The following FAM81A variants were observed in gnomAD, a reference collection of about 807,000 sequenced individuals.
The protein encoded by FAM81A is protein FAM81A.
In FAM81A, 19 loss-of-function variants were observed where a neutral mutation model predicts 46.7. The ratio of observed to expected loss-of-function variants is 0.41; its 90% confidence interval spans 0.28 to 0.60. FAM81A has a LOEUF of 0.60. FAM81A is among the 20% of genes least tolerant of loss of function. The pLI, the probability that FAM81A is intolerant of heterozygous loss-of-function variation, is 0.34. For synonymous variants in FAM81A, 183 were observed against 152.9 expected, an observed-to-expected ratio of 1.20 and a Z score of -1.45; for missense variants, 377 against 453.5, an observed-to-expected ratio of 0.83 and a Z score of 1.53.
At chr15:59,493,439 C>A (rs1265374208) in intron 4 of FAM81A, among the ~76,000 whole-genome samples, 1 of 152,062 alleles carries the variant, frequency 6.6e-6, no homozygotes, top group Admixed American at 6.5e-5. Flanking sequence ...GTGATGACAC[C>A]CTGTTGACTC....
At chr15:59,509,208 A>G (rs2082179356) in intron 6 of FAM81A, among the ~76,000 whole-genome samples, 1 of 152,206 alleles carries the variant, frequency 6.6e-6, no homozygotes, top group African/African-American at 2.4e-5. Flanking sequence ...TCATTGGCCT[A>G]GGGGCTGAGG....
intron 4 of FAM81A, among the ~76,000 whole-genome samples, chr15:59,497,579 G>T (rs541037338): frequency 3.3e-5 from 5 of 152,232 alleles, no homozygotes; most frequent in African/African-American, 1.2e-4. Flanking sequence ...TCTTTCAGTG[G>T]GTTCAGTGTC....
intron 1 of FAM81A, 43 bp from the exon 2 acceptor site, chr15:59,458,507 A>G (rs1567052017): frequency 2.1e-6 from 3 of 1,415,144 alleles, no homozygotes; most frequent in Non-Finnish European, 2.9e-6. Flanking sequence ...GTTAAGTTCT[A>G]GATATAAACT....
chr15:59,441,981 T>G (rs2081302970), intron 1 of FAM81A, among the ~76,000 whole-genome samples: 1 of 152,154 alleles, frequency 6.6e-6, no homozygotes, highest in Admixed American at 6.5e-5. Context: ...TCACTCCAAC[T>G]CTGTGAGGCA....
rs368796861 is a variant in FAM81A, at chr15:59,494,018, A to G, written c.413+1629A>G. Among the ~76,000 whole-genome samples, 3 of 152,016 alleles carry G rather than the reference A, an allele frequency of 2.0e-5. No homozygotes were observed. In the South Asian group the frequency reaches 6.2e-4, roughly 32 times the overall value. The stretch of plus-strand genomic sequence containing the variant: ...CTCACTGCTCTATTGAGTCTCTCCA[A>G]TGTCTTCCTCACTCTGCTACCTTTA... On this transcript the variant is annotated intron_variant, in intron 4 of 8. Transcript: ENST00000288228.
chr15:59,434,950 G>A (rs994690342), upstream of FAM81A, among the ~76,000 whole-genome samples: 5 of 152,174 alleles, frequency 3.3e-5, no homozygotes, highest in Non-Finnish European at 7.4e-5. Context: ...TAATGGCAGT[G>A]CAGAGACAAA....
At chr15:59,491,898 A>T (rs912607939) in intron 3 of FAM81A, among the ~76,000 whole-genome samples, 1 of 152,134 alleles carries the variant, frequency 6.6e-6, no homozygotes, top group African/African-American at 2.4e-5. Flanking sequence ...CCTGGGAGGC[A>T]GAAGTTGCAG....
chr15:59,475,170 G>A (rs909799334), intron 3 of FAM81A, among the ~76,000 whole-genome samples: 1 of 151,136 alleles, frequency 6.6e-6, no homozygotes, highest in African/African-American at 2.4e-5. Flanking sequence ...TTTGAGACAA[G>A]GTCTCACTCC....
At chr15:59,450,099 CTTTCTTTTT>C (rs1231978075) in intron 1 of FAM81A, among the ~76,000 whole-genome samples, 1 of 50,622 alleles carries the variant, frequency 2.0e-5, no homozygotes, top group African/African-American at 1.3e-4. Context: ...ATTTTTCTTT[CTTTCTTTTT>C]TTTTTTTTTT....
intron 3 of FAM81A, among the ~76,000 whole-genome samples, chr15:59,491,382 C>G (rs775685600): frequency 9.9e-5 from 15 of 150,880 alleles, no homozygotes; most frequent in African/African-American, 2.9e-4. Context: ...ATTGAACTCA[C>G]GGAGATAGAG....
At chr15:59,411,311 G>C (rs2081119570) in intron 2 of FAM81A, among the ~76,000 whole-genome samples, 1 of 152,038 alleles carries the variant, frequency 6.6e-6, no homozygotes. Flanking sequence ...TGGGAGCCCA[G>C]GACTGGACTC....
rs765189354 is a variant in FAM81A at position 59,452,756 on chromosome 15, TTATTA to T, written c.-77-5782_-77-5778del. ...CAGCATACACATAGTCTATGAAGTA[TTATTA>T]TATTATATTATTTATTTAGAAACAG... On this transcript the variant is annotated intron_variant, in intron 1 of 8. Transcript: ENST00000288228. 2.3e-4 allele frequency among the ~76,000 whole-genome samples: 35 copies of T among 152,284 alleles called. 1 individual carries two copies. Among genetic ancestry groups the T allele is most frequent in the East Asian group, 3.9e-4 (2 of 5,190 alleles).
intron 3 of FAM81A, among the ~76,000 whole-genome samples, chr15:59,468,549 G>T (rs1215959421): frequency 1.3e-5 from 2 of 151,828 alleles, no homozygotes; most frequent in Non-Finnish European, 2.9e-5. Flanking sequence ...GCGATCAGTG[G>T]TGATATCCCC....
At chr15:59,488,975 A>G (rs1365700500) in intron 3 of FAM81A, among the ~76,000 whole-genome samples, 2 of 149,732 alleles carry the variant, frequency 1.3e-5, no homozygotes, top group South Asian at 4.2e-4. Flanking sequence ...AATTAAATAA[A>G]TAAATATAGG....
At chr15:59,405,252 G>C (rs757102096) in intron 2 of FAM81A, among the ~76,000 whole-genome samples, 1 of 152,098 alleles carries the variant, frequency 6.6e-6, no homozygotes, top group African/African-American at 2.4e-5. Flanking sequence ...CAGGAATTTG[G>C]TAATGTATGT....
At position 59,520,624 on chromosome 15, in the gene FAM81A, C is replaced by T. The variant is rs1158214901; in HGVS notation, c.983-630C>T. Among the ~76,000 whole-genome samples the T allele has an allele frequency of 2.0e-5, 3 of 147,932 alleles. No homozygotes were observed. The Admixed American group carries it at 2.1e-4, about 10-fold the overall frequency. ...TGTCGCCGAGGCTGGAGTGCAGTAG[C>T]ACAATCTCAGCTCACTGCAACGTCC... On this transcript the variant is annotated intron_variant, in intron 8 of 8. Transcript: ENST00000288228.
chr15:59,437,232 G>A (rs2081249312), upstream of FAM81A, among the ~76,000 whole-genome samples: 2 of 152,090 alleles, frequency 1.3e-5, no homozygotes, highest in African/African-American at 4.8e-5. Context: ...TACCATGTCG[G>A]GCTCCTTCCC....
chr15:59,474,727 A>G (rs1722875537), intron 3 of FAM81A, among the ~76,000 whole-genome samples: 1 of 152,252 alleles, frequency 6.6e-6, no homozygotes, highest in South Asian at 2.1e-4. Context: ...AGAAGAGACT[A>G]TGAGGTTATC....
chr15:59,510,855 A>G (rs1374291454), intron 6 of FAM81A, among the ~76,000 whole-genome samples: 2 of 151,200 alleles, frequency 1.3e-5, no homozygotes, highest in African/African-American at 4.9e-5. Flanking sequence ...TTTTAAAAAG[A>G]CAGCCTTCAT....
Sources: gnomAD v4.1 joint callset for allele counts (sites outside exome capture counted in the v4.1 genomes callset) on GRCh38, gnomAD v4.1.1 for gene constraint, MANE v1.5 for transcripts, NCBI Gene and HGNC (gene_info 2026-07-23, HGNC 2026-07-21) for gene names.